RALGAPA1: variants seen among roughly 807,000 people sequenced by gnomAD.
The protein encoded by RALGAPA1 is Ral GTPase activating protein catalytic subunit alpha 1.
RALGAPA1 carries 52 observed loss-of-function variants against 269.6 expected under a neutral mutation model. The observed-to-expected ratio is 0.19, with a 90% CI of 0.15 to 0.24. The LOEUF (loss-of-function observed/expected upper bound fraction) is 0.24, where lower values mean the gene tolerates loss of function less well. Ranked by LOEUF, RALGAPA1 falls within the 10% of genes least tolerant of loss-of-function variation. The probability of loss-of-function intolerance (pLI) is 1.00; values close to 1 mark genes in which losing one functional copy is unlikely to be tolerated. For synonymous variants in RALGAPA1, 817 were observed against 1,008.3 expected (o/e 0.81, Z 3.60); for missense variants, 1,917 against 3,013.9 (o/e 0.64, Z 8.52).
chr14:35,594,234 C>T (rs1025864609), intron 37 of RALGAPA1, among the ~76,000 whole-genome samples: 9 of 152,036 alleles, frequency 5.9e-5, no homozygotes, highest in African/African-American at 1.2e-4. Flanking sequence ...GGACATCACA[C>T]CAAAAGCTCA....
intron 21 of RALGAPA1, among the ~76,000 whole-genome samples, chr14:35,682,450 G>A (rs941142153): frequency 1.4e-4 from 21 of 151,972 alleles, no homozygotes; most frequent in East Asian, 3.9e-4. Flanking sequence ...ATACGCGCCC[G>A]CCACCACGCC....
chr14:35,738,089 CAAAAAAA>C (rs58213941), intron 12 of RALGAPA1, among the ~76,000 whole-genome samples: 1 of 123,650 alleles, frequency 8.1e-6, no homozygotes, highest in African/African-American at 2.8e-5. Flanking sequence ...AACTCCATCT[CAAAAAAA>C]AAAAAAAGTT....
chr14:35,767,733 T>C (rs978132857), intron 4 of RALGAPA1, among the ~76,000 whole-genome samples: 1 of 151,950 alleles, frequency 6.6e-6, no homozygotes, highest in African/African-American at 2.4e-5. Context: ...GAAGAGTAAA[T>C]TAAACCCAAA....
intron 27 of RALGAPA1, 28 bp downstream of exon 27, chr14:35,664,614 T>C (rs1057273617): frequency 6.5e-7 from 1 of 1,548,876 alleles, no homozygotes; most frequent in African/African-American, 1.4e-5. Context: ...ATCATTTAAG[T>C]GCTAAAAATT....
chr14:35,667,855 C>A (rs554639989), intron 26 of RALGAPA1, among the ~76,000 whole-genome samples: 1 of 152,328 alleles, frequency 6.6e-6, no homozygotes, highest in African/African-American at 2.4e-5. Flanking sequence ...TACCTGCACT[C>A]TTGTGTTTAC....
intron 4 of RALGAPA1, chr14:35,767,064 C>A: frequency 1.2e-5 from 4 of 330,232 alleles, no homozygotes; most frequent in South Asian, 8.4e-5. Context: ...GATGATTGTT[C>A]ATCAATCCTT....
intron 35 of RALGAPA1, among the ~76,000 whole-genome samples, chr14:35,622,345 C>T (rs1309686063): frequency 1.3e-5 from 2 of 151,760 alleles, no homozygotes; most frequent in Non-Finnish European, 1.5e-5. Context: ...TGGGGAATAT[C>T]ACACATTGGG....
At chr14:35,755,454 A>G (rs1455990882) in intron 7 of RALGAPA1, among the ~76,000 whole-genome samples, 2 of 152,224 alleles carry the variant, frequency 1.3e-5, no homozygotes, top group East Asian at 1.9e-4. Context: ...ATGTATACAC[A>G]TAATAAAATT....
chr14:35,757,752 A>C (rs1279652530), intron 6 of RALGAPA1, among the ~76,000 whole-genome samples: 2 of 152,216 alleles, frequency 1.3e-5, no homozygotes, highest in Admixed American at 1.3e-4. Flanking sequence ...GAATTCTCTT[A>C]AATATTTCCT....
intron 22 of RALGAPA1, among the ~76,000 whole-genome samples, chr14:35,675,264 C>T (rs1188439691): frequency 6.6e-6 from 1 of 152,200 alleles, no homozygotes; most frequent in East Asian, 1.9e-4. Context: ...CAACCTCTGT[C>T]TGCTGGGTTC....
intron 39 of RALGAPA1, among the ~76,000 whole-genome samples, chr14:35,560,683 T>G (rs2056127815): frequency 6.6e-6 from 1 of 152,162 alleles, no homozygotes; most frequent in African/African-American, 2.4e-5. Context: ...AAATGGAAGT[T>G]GGCCATATAC....
chr14:35,739,483 T>C (rs148317257), intron 11 of RALGAPA1, among the ~76,000 whole-genome samples: 2,176 of 152,224 alleles, frequency 0.014, 42 homozygotes, highest in Admixed American at 0.035. Context: ...CCTTCCTGAA[T>C]GACCCACAAG....
At chr14:35,751,996 C>G (rs777223011) in intron 8 of RALGAPA1, 28 bp downstream of exon 8, 5 of 1,561,710 alleles carry the variant, frequency 3.2e-6, no homozygotes, top group Non-Finnish European at 3.5e-6. Context: ...TAAGTGTGAT[C>G]TTTCAGAAAA....
intron 26 of RALGAPA1, among the ~76,000 whole-genome samples, chr14:35,665,706 C>G (rs1190956731): frequency 6.6e-6 from 1 of 152,128 alleles, no homozygotes; most frequent in Non-Finnish European, 1.5e-5. Flanking sequence ...GAACTCATAT[C>G]TACCGTTCCA....
chr14:35,750,553 G>C lies in RALGAPA1; in HGVS notation c.940C>G (p.Leu314Val). The change falls in exon 9 of 42, where the codon CTG becomes GTG. Residue 314 changes from leucine to valine, a missense_variant. By Grantham distance (32) the Leu-to-Val change is conservative. This residue lies in a region of RALGAPA1 where 462 missense variants were observed against 725.6 expected (regional missense o/e 0.64). Transcript: ENST00000680220. ...IVIRWLVSFW[L>V]EPKPHTGPHI... The stretch of plus-strand genomic sequence containing the variant: ...GGTCCTGTATGTGGTTTTGGCTCCA[G>C]CCAGAAAGAAACCAGCCAACGAATG... The C allele has an allele frequency of 6.2e-7, 1 of 1,613,026 alleles. No individual in the cohort carries two copies. Among genetic ancestry groups the C allele is most frequent in the South Asian group, 1.1e-5 (1 of 91,040 alleles).
At chr14:35,683,566 T>G (rs917096648) in intron 21 of RALGAPA1, 1 of 328,392 alleles carries the variant, frequency 3.0e-6, no homozygotes, top group East Asian at 5.2e-5. Context: ...AATGTTCTAG[T>G]GCATATATAT....
intron 35 of RALGAPA1, among the ~76,000 whole-genome samples, chr14:35,609,182 G>A (rs899864464): frequency 4.0e-5 from 6 of 151,100 alleles, no homozygotes; most frequent in African/African-American, 9.7e-5. Flanking sequence ...AGCCAAGACC[G>A]CGCCACTGCA....
In RALGAPA1 at chr14:35,747,394, T is replaced by A. The variant is rs138189495; in HGVS notation, c.1251+1191A>T. 2.2e-3 allele frequency among the ~76,000 whole-genome samples: 328 copies of A among 152,324 alleles called. 3 individuals carry two copies. The highest frequency in any genetic ancestry group is 7.6e-3 in the African/African-American group (315 of 41,574). The stretch of plus-strand genomic sequence containing the variant: ...AAAATTCCCCATGAGTATTCCAACA[T>A]AATTTGTCAAATGTCTTTCCTTTCC... On this transcript the variant is annotated intron_variant, in intron 10 of 41. Transcript: ENST00000680220.
In RALGAPA1 at chr14:35,756,920, CAAAAG is replaced by C; in HGVS notation, c.548-17_548-13del. ...TATAGTGACTTGAGCTATCCAAAGACAAAAGAATAGTATATAGTTACAAAACAAAT... is the reference window on the plus strand; with the variant it reads ...TATAGTGACTTGAGCTATCCAAAGACAATAGTATATAGTTACAAAACAAAT... On this transcript the variant is annotated splice_polypyrimidine_tract_variant and intron_variant, in intron 6 of 41. Transcript: ENST00000680220. The C allele has an allele frequency of 6.3e-7, 1 of 1,588,972 alleles. No individual in the cohort carries two copies. The highest frequency in any genetic ancestry group is 8.6e-7 in the Non-Finnish European group (1 of 1,166,858).
Sources: allele counts gnomAD v4.1 joint callset (sites outside exome capture counted in the v4.1 genomes callset), GRCh38; gene constraint gnomAD v4.1.1; regional missense constraint gnomAD v4.1.1; transcripts MANE v1.5; gene names NCBI Gene and HGNC (gene_info 2026-07-23, HGNC 2026-07-21).